Variants in NCOA2 observed in about 807,000 individuals in gnomAD.
NCOA2 encodes class E basic helix-loop-helix protein 75.
NCOA2 carries 21 observed loss-of-function variants against 145.1 expected under a neutral mutation model. The ratio of observed to expected loss-of-function variants is 0.14; its 90% CI spans 0.10 to 0.21. The LOEUF (loss-of-function observed/expected upper bound fraction) is 0.21, where lower values mean the gene tolerates loss of function less well. NCOA2 is among the 10% of genes least tolerant of loss of function. NCOA2 has a pLI of 1.00. For synonymous variants in NCOA2, 619 were observed against 637.5 expected (o/e 0.97, Z 0.44); for missense variants, 1,472 against 1,837.6 (o/e 0.80, Z 3.64).
chr8:70,429,522 G>T, the NCOA2 span, among the ~76,000 whole-genome samples: 1 of 152,028 alleles, frequency 6.6e-6, no homozygotes, highest in East Asian at 1.9e-4. Context: ...TTTCTTTCTA[G>T]ATTAGAGTCA....
At chr8:70,340,133 T>C (rs1248391851) in intron 1 of NCOA2, among the ~76,000 whole-genome samples, 5 of 152,094 alleles carry the variant, frequency 3.3e-5, no homozygotes. Flanking sequence ...AAAAAGAAAC[T>C]ATCATCAGAG....
At chr8:70,354,052 A>C (rs1200974200) in intron 1 of NCOA2, among the ~76,000 whole-genome samples, 2 of 152,174 alleles carry the variant, frequency 1.3e-5, no homozygotes, top group African/African-American at 2.4e-5. Context: ...TAAAAAAAGG[A>C]ACTACTCTCT....
intron 4 of NCOA2, among the ~76,000 whole-genome samples, chr8:70,206,766 A>G (rs765588161): frequency 2.6e-5 from 4 of 152,118 alleles, no homozygotes; most frequent in Non-Finnish European, 5.9e-5. Flanking sequence ...ATCTTATTCT[A>G]CAGTCTGACC....
rs192899839 is a variant in NCOA2, at chr8:70,171,676, T to G, written c.364-1297A>C. Among the ~76,000 whole-genome samples, 32 of 152,338 alleles carry G rather than the reference T, an allele frequency of 2.1e-4. No individual in the cohort carries two copies. The East Asian group carries it at 5.6e-3, about 27-fold the overall frequency. On this transcript the variant is annotated intron_variant, in intron 5 of 22. Transcript: ENST00000452400. ...ATATGTGTTTATTACAATTTTATCT[T>G]TTTTGGAGACAAGGTCTTGCTCTCC...
the NCOA2 span, among the ~76,000 whole-genome samples, chr8:70,422,089 C>T: frequency 7.3e-5 from 11 of 150,570 alleles, no homozygotes; most frequent in South Asian, 6.3e-4. Context: ...AGCAAGACTC[C>T]GGTCTCGAAA....
chr8:70,270,439 T>C (rs912298329), intron 2 of NCOA2, among the ~76,000 whole-genome samples: 4 of 152,070 alleles, frequency 2.6e-5, no homozygotes, highest in African/African-American at 7.2e-5. Flanking sequence ...AAGATGATAA[T>C]GCTACCATTA....
At chr8:70,178,719 G>T (rs1053452133) in intron 4 of NCOA2, among the ~76,000 whole-genome samples, 18 of 152,214 alleles carry the variant, frequency 1.2e-4, no homozygotes, top group African/African-American at 4.1e-4. Flanking sequence ...GATGGAAATG[G>T]CTGGACATAG....
chr8:70,190,667 C>T (rs1163604857), intron 4 of NCOA2, among the ~76,000 whole-genome samples: 1 of 152,156 alleles, frequency 6.6e-6, no homozygotes, highest in Admixed American at 6.5e-5. Context: ...GCCTGGCCAA[C>T]ATGGCAAAAC....
At chr8:70,140,876 C>T (rs554393559) in intron 14 of NCOA2, among the ~76,000 whole-genome samples, 3 of 151,958 alleles carry the variant, frequency 2.0e-5, no homozygotes, top group East Asian at 1.9e-4. Context: ...GGATTACAAG[C>T]GTGAGTCACC....
intron 2 of NCOA2, among the ~76,000 whole-genome samples, chr8:70,265,883 C>T (rs1336166772): frequency 2.6e-5 from 4 of 151,696 alleles, no homozygotes; most frequent in African/African-American, 4.8e-5. Flanking sequence ...TGGTGGCTCA[C>T]GCCTGTAATC....
chr8:70,126,765 C>G, intron 19 of NCOA2, 48 bp downstream of exon 19: 1 of 1,498,010 alleles, frequency 6.7e-7, no homozygotes. Context: ...CTGGGGGACA[C>G]TGGGGAGAAA....
intron 1 of NCOA2, among the ~76,000 whole-genome samples, chr8:70,350,140 TGGC>T (rs1563792830): frequency 6.6e-6 from 1 of 152,180 alleles, no homozygotes; most frequent in Non-Finnish European, 1.5e-5. Context: ...TTTTGAATAA[TGGC>T]AAGATAACTT....
At chr8:70,279,981 T>C (rs1825754697) in intron 2 of NCOA2, among the ~76,000 whole-genome samples, 1 of 152,184 alleles carries the variant, frequency 6.6e-6, no homozygotes, top group Non-Finnish European at 1.5e-5. Context: ...CAGGTTTGCT[T>C]ATACTGGTTT....
rs551982887 is a variant in NCOA2, at chr8:70,156,711, A to T, written c.1654T>A (p.Leu552Met). 264 of 1,613,980 alleles carry T rather than the reference A, an allele frequency of 1.6e-4. 2 individuals carry two copies. The South Asian group carries it at 2.6e-3, about 16-fold the overall frequency. Reference protein sequence around the residue: ...EGHGVSLGSSLASPDLKMGNL... With the variant: ...EGHGVSLGSSMASPDLKMGNL... ...CCCATTTTTAGGTCTGGTGAAGCCA[A>T]CGATGACCCTAATGAGACCCCGTGC... The change falls in exon 11 of 23, where the codon TTG (leucine) becomes ATG (methionine). Residue 552 changes from leucine to methionine, a missense_variant. This residue lies in a region of NCOA2 where 953 missense variants were observed against 1,062.1 expected (regional missense o/e 0.90). Transcript: ENST00000452400.
At chr8:70,271,109 C>T (rs190480454) in intron 2 of NCOA2, among the ~76,000 whole-genome samples, 4 of 152,196 alleles carry the variant, frequency 2.6e-5, no homozygotes, top group Admixed American at 2.6e-4. Context: ...TCATTAAAAA[C>T]GCAACACAGG....
intron 1 of NCOA2, among the ~76,000 whole-genome samples, chr8:70,331,565 A>C (rs1807101936): frequency 1.3e-5 from 2 of 152,174 alleles, no homozygotes; most frequent in African/African-American, 4.8e-5. Context: ...GTATTAATTT[A>C]TGTGAAACTT....
the NCOA2 span, among the ~76,000 whole-genome samples, chr8:70,425,427 G>A: frequency 2.0e-5 from 3 of 150,706 alleles, no homozygotes; most frequent in African/African-American, 7.3e-5. Flanking sequence ...CCCTCCCTTC[G>A]GTGGCCACAC....
At chr8:70,216,355 C>T (rs892657697) in intron 3 of NCOA2, among the ~76,000 whole-genome samples, 3 of 152,100 alleles carry the variant, frequency 2.0e-5, no homozygotes, top group African/African-American at 7.2e-5. Context: ...AACGGCAAAT[C>T]CTTTTTACTA....
At chr8:70,403,639 GC>G (rs1488273474) in intron 1 of NCOA2, 60 bp downstream of exon 1, 1 of 350,462 alleles carries the variant, frequency 2.9e-6, no homozygotes. Context: ...GGGACGCGGC[GC>G]CCCCCGCCTG....
Sources: allele counts gnomAD v4.1 joint callset (sites outside exome capture counted in the v4.1 genomes callset), GRCh38; gene constraint gnomAD v4.1.1; regional missense constraint gnomAD v4.1.1; transcripts MANE v1.5; gene names NCBI Gene and HGNC (gene_info 2026-07-23, HGNC 2026-07-21).